Variants in EXTL3 observed in about 807,000 individuals in gnomAD.
EXTL3 encodes the protein exostosin-like 3.
Under a neutral mutation model 69.3 loss-of-function variants are expected in EXTL3, and 27 were observed. The observed-to-expected ratio is 0.39, with a 90% CI of 0.29 to 0.54. The LOEUF (loss-of-function observed/expected upper bound fraction) is 0.54. Among genes scored for constraint, EXTL3 ranks in the 20% least tolerant of loss-of-function variants. The pLI, the probability that EXTL3 is intolerant of heterozygous loss-of-function variation, is 0.69. For missense variants in EXTL3, 1,003 were observed against 1,231.8 expected (o/e 0.81, Z 2.78); for synonymous variants, 511 against 499.4 (o/e 1.02, Z -0.31).
intron 4 of EXTL3, among the ~76,000 whole-genome samples, chr8:28,731,869 AAGG>A (rs1245097152): frequency 6.6e-6 from 1 of 151,844 alleles, no homozygotes; most frequent in Non-Finnish European, 1.5e-5. Flanking sequence ...GGAGGAGGAA[AAGG>A]AGGTGGTGGT....
intron 4 of EXTL3, among the ~76,000 whole-genome samples, 193 bp downstream of exon 4, chr8:28,731,543 G>T (rs1008676197): frequency 6.6e-6 from 1 of 152,164 alleles, no homozygotes; most frequent in Non-Finnish European, 1.5e-5. Context: ...TGTAGGCTCC[G>T]CTCTGTGTTC....
upstream of EXTL3, among the ~76,000 whole-genome samples, chr8:28,620,187 GCAGA>G (rs1297001952): frequency 6.6e-6 from 1 of 151,800 alleles, no homozygotes; most frequent in African/African-American, 2.4e-5. Context: ...TCTGATTCTT[GCAGA>G]CAGACTCCTG....
In EXTL3 at chr8:28,750,046, G is replaced by C. The variant is rs906295073; in HGVS notation, c.2551-611G>C. ...ATGGTTTATGTATTTCTTCTTGCAT[G>C]TTCAGGTGTTCTGAGGGGTTTTTAT... On this transcript the variant is annotated intron_variant, in intron 6 of 6. Coordinates refer to ENST00000220562, the MANE Select transcript of EXTL3 (RefSeq NM_001440.4). This position sits in a 1 kb window ranked among gnomAD's most constrained non-coding sequence, Gnocchi z 5.2. 5.9e-5 allele frequency among the ~76,000 whole-genome samples: 9 copies of C among 152,182 alleles called. No individual in the cohort carries two copies. Among genetic ancestry groups the C allele is most frequent in the Admixed American group, 5.9e-4 (9 of 15,284 alleles).
At chr8:28,641,245 A>G (rs112149484) in intron 1 of EXTL3, among the ~76,000 whole-genome samples, 24 of 152,330 alleles carry the variant, frequency 1.6e-4, no homozygotes, top group African/African-American at 5.5e-4. Flanking sequence ...ATGTTATGTA[A>G]AAGAAGTAAC....
At chr8:28,619,266 T>TAAAAAAAAAAAA (rs755355444), upstream of EXTL3, among the ~76,000 whole-genome samples, 18 of 64,652 alleles carry the variant, frequency 2.8e-4, 2 homozygotes, top group East Asian at 5.1e-4. Flanking sequence ...AGCTTAGTGA[T>TAAAAAAAAAAAA]AAAAAAAAAA....
chr8:28,648,781 A>G (rs886254068), intron 1 of EXTL3, among the ~76,000 whole-genome samples: 2 of 152,008 alleles, frequency 1.3e-5, no homozygotes, highest in South Asian at 2.1e-4. Context: ...GGGTTTTGCT[A>G]TGTTGCCCAG....
chr8:28,636,225 G>A (rs1430643732), intron 1 of EXTL3, among the ~76,000 whole-genome samples: 3 of 151,720 alleles, frequency 2.0e-5, no homozygotes, highest in African/African-American at 4.8e-5. Context: ...CCAGCTGCTT[G>A]GGTGGCTGAG....
In EXTL3 at chr8:28,716,227, G is replaced by A. The variant is rs1483850082; in HGVS notation, c.168G>A (p.Glu56=). The A allele has an allele frequency of 2.5e-6, 4 of 1,614,240 alleles. No individual in the cohort carries two copies. Among genetic ancestry groups the A allele is most frequent in the East Asian group, 2.2e-5 (1 of 44,884 alleles). Residue 56 remains glutamate (E), a synonymous_variant, in exon 3 of 7, where the codon GAG becomes GAA. Coordinates refer to ENST00000220562, the MANE Select transcript of EXTL3 (RefSeq NM_001440.4). The surrounding 1 kb of genome is among the most constrained non-coding windows in gnomAD (Gnocchi z 7.1). Reference sequence around the variant, plus strand: ...ACTATTACCTCACCACTCTGGATGAGGCTGATGAGGCAGGCAAGCGGATTT... The same window carrying A: ...ACTATTACCTCACCACTCTGGATGAAGCTGATGAGGCAGGCAAGCGGATTT... ...IAHYYLTTLD[E]ADEAGKRIFG... is the part of the protein sequence containing the mutation.
At chr8:28,622,315 CTGCGCTAGGCGCCCGG>C (rs1347022748), upstream of EXTL3, among the ~76,000 whole-genome samples, 2 of 152,278 alleles carry the variant, frequency 1.3e-5, no homozygotes, top group Non-Finnish European at 2.9e-5. Context: ...CCGGCGCCCT[CTGCGCTAGGCGCCCGG>C]TGCCGTATAG....
At chr8:28,725,959 T>G (rs1008375797) in intron 3 of EXTL3, among the ~76,000 whole-genome samples, 3 of 151,470 alleles carry the variant, frequency 2.0e-5, no homozygotes, top group South Asian at 4.2e-4. Context: ...GAAGTGTTTT[T>G]TTTTTTTTTT....
At chr8:28,615,010 C>G (rs1299860915) in intron 2 of EXTL3, among the ~76,000 whole-genome samples, 1 of 149,578 alleles carries the variant, frequency 6.7e-6, no homozygotes, top group East Asian at 2.0e-4. Context: ...TCCTCCCACC[C>G]CCGCCCTCCA....
At chr8:28,643,287 T>C (rs1806772955) in intron 1 of EXTL3, among the ~76,000 whole-genome samples, 1 of 152,096 alleles carries the variant, frequency 6.6e-6, no homozygotes, top group African/African-American at 2.4e-5. Flanking sequence ...TGTGTACTCA[T>C]CAACCATTTT....
At chr8:28,673,615 A>T (rs1362544060) in intron 1 of EXTL3, among the ~76,000 whole-genome samples, 1 of 152,196 alleles carries the variant, frequency 6.6e-6, no homozygotes, top group African/African-American at 2.4e-5. Context: ...CTTACTATCC[A>T]TAATCGTGTG....
At position 28,737,607 on chromosome 8, in the gene EXTL3, T is replaced by TC; in HGVS notation, c.2367dup (p.Asn790GlnfsTer5). ...CCCCCATCAGTCCTGGCTCTACAACTCCAACTACTCCTGTGAGCTGTCCAT... is the reference window on the plus strand; with the variant it reads ...CCCCCATCAGTCCTGGCTCTACAACTCCCAACTACTCCTGTGAGCTGTCCAT... On this transcript the variant is annotated frameshift_variant, in exon 5 of 7. Transcript: ENST00000220562. LOFTEE classifies it high-confidence loss of function. 6.2e-7 allele frequency: 1 copy of TC among 1,614,114 alleles called. No individual in the cohort carries two copies. Among genetic ancestry groups the TC allele is most frequent in the Non-Finnish European group, 8.5e-7 (1 of 1,179,954 alleles).
At position 28,716,326 on chromosome 8, in the gene EXTL3, G is replaced by A; in HGVS notation, c.267G>A (p.Val89=). The A allele has an allele frequency of 1.2e-6, 2 of 1,614,194 alleles. No individual in the cohort carries two copies. The highest frequency in any genetic ancestry group is 1.7e-6 in the Non-Finnish European group (2 of 1,180,042). ...ATCTGTGCCGCATCCGGGAGTCGGT[G>A]AGTGAAGAGCTCCTGCAGCTGGAGG... is the stretch of plus-strand genomic sequence containing the variant. ...VLDLCRIRES[V]SEELLQLEAK... The change falls in exon 3 of 7, where the codon GTG becomes GTA. Residue 89 remains valine (V), a synonymous_variant. Transcript: ENST00000220562. This position sits in a 1 kb window ranked among gnomAD's most constrained non-coding sequence, Gnocchi z 7.1.
intron 2 of EXTL3, among the ~76,000 whole-genome samples, chr8:28,610,817 C>T (rs1806262749): frequency 6.6e-6 from 1 of 151,708 alleles, no homozygotes; most frequent in South Asian, 2.1e-4. Context: ...CAGTTCACTG[C>T]AACCTCCACT....
At chr8:28,648,874 C>T (rs1806874992) in intron 1 of EXTL3, among the ~76,000 whole-genome samples, 1 of 151,990 alleles carries the variant, frequency 6.6e-6, no homozygotes, top group African/African-American at 2.4e-5. Flanking sequence ...ACCACCACAC[C>T]CAGCTAAGGT....
At chr8:28,614,269 TTG>T (rs1395969900) in intron 2 of EXTL3, among the ~76,000 whole-genome samples, 1 of 150,082 alleles carries the variant, frequency 6.7e-6, no homozygotes, top group African/African-American at 2.5e-5. Context: ...GTGGGGTTTT[TTG>T]CTTTTTTTTT....
upstream of EXTL3, among the ~76,000 whole-genome samples, chr8:28,619,232 G>A (rs559634967): frequency 6.0e-4 from 71 of 119,268 alleles, no homozygotes; most frequent in African/African-American, 2.0e-3. Context: ...TCTCTAAACT[G>A]GGGAGGAAGC....
Sources: gnomAD v4.1 joint callset for allele counts (sites outside exome capture counted in the v4.1 genomes callset) on GRCh38, gnomAD v4.1.1 for gene constraint, Gnocchi (gnomAD v3.1) non-coding constraint, MANE v1.5 for transcripts, NCBI Gene and HGNC (gene_info 2026-07-23, HGNC 2026-07-21) for gene names.